The following SARNP variants were observed in gnomAD, a reference collection of about 807,000 sequenced individuals.
SARNP encodes SAP domain containing ribonucleoprotein.
In SARNP, 5 loss-of-function variants were observed where a neutral mutation model predicts 38.1. The observed-to-expected ratio is 0.13, with a 90% CI of 0.07 to 0.28. The LOEUF is 0.28. Among genes scored for constraint, SARNP ranks in the 10% least tolerant of loss-of-function variants. SARNP has a pLI of 1.00. For missense variants in SARNP, 180 were observed against 243.9 expected, an observed-to-expected ratio of 0.74 and a Z score of 1.75; for synonymous variants, 84 against 80.6, an observed-to-expected ratio of 1.04 and a Z score of -0.23.
chr12:55,775,317 T>C (rs907571998), intron 9 of SARNP, among the ~76,000 whole-genome samples: 2 of 147,894 alleles, frequency 1.4e-5, no homozygotes, highest in Non-Finnish European at 3.0e-5. Context: ...CCCAGCACTT[T>C]AGGAGGCTGA....
chr12:55,801,006 A>G, intron 2 of SARNP, 106 bp from the exon 3 acceptor site: 2 of 889,944 alleles, frequency 2.2e-6, no homozygotes, highest in Admixed American at 1.8e-5. Flanking sequence ...AAAATCCAAC[A>G]GTGAAGGCAG....
At chr12:55,774,916 T>TCG (rs1459255821) in intron 9 of SARNP, among the ~76,000 whole-genome samples, 1 of 139,554 alleles carries the variant, frequency 7.2e-6, no homozygotes, top group African/African-American at 2.7e-5. Flanking sequence ...AGATGGAGTC[T>TCG]CGCTCTGTCG....
intron 1 of SARNP, among the ~76,000 whole-genome samples, chr12:55,814,739 C>T (rs1880430340): frequency 6.6e-6 from 1 of 152,034 alleles, no homozygotes; most frequent in Non-Finnish European, 1.5e-5. Flanking sequence ...CATGGTGGCA[C>T]GTGCCTGTAA....
downstream of SARNP, chr12:55,756,672 A>C (rs1369925789): frequency 6.6e-6 from 1 of 152,242 alleles, no homozygotes; most frequent in East Asian, 1.9e-4. Flanking sequence ...ATCTACATGA[A>C]CTTGAAGCCT....
chr12:55,816,824 G>A (rs1022069244), intron 1 of SARNP, among the ~76,000 whole-genome samples: 4 of 151,966 alleles, frequency 2.6e-5, no homozygotes, highest in Admixed American at 2.0e-4. Context: ...ACTACCAAGA[G>A]TCTCATAAGA....
intron 9 of SARNP, among the ~76,000 whole-genome samples, chr12:55,780,886 T>C (rs924119574): frequency 1.3e-5 from 2 of 152,152 alleles, no homozygotes; most frequent in African/African-American, 4.8e-5. Flanking sequence ...TTATAAACTG[T>C]TTGTTTCTGG....
chr12:55,794,709 T>C, intron 6 of SARNP, 98 bp downstream of exon 6: 1 of 762,402 alleles, frequency 1.3e-6, no homozygotes, highest in Non-Finnish European at 2.2e-6. Context: ...CAAGCCTCTA[T>C]TCTACTTAAA....
chr12:55,805,043 C>CA (rs2136203716), intron 1 of SARNP, among the ~76,000 whole-genome samples: 1 of 151,976 alleles, frequency 6.6e-6, no homozygotes, highest in African/African-American at 2.4e-5. Context: ...GCGAGTGGAT[C>CA]ACAAGGTTAG....
intron 5 of SARNP, among the ~76,000 whole-genome samples, chr12:55,795,682 A>C (rs1305508282): frequency 6.6e-6 from 1 of 152,212 alleles, no homozygotes; most frequent in Non-Finnish European, 1.5e-5. Context: ...GAGAAATTTC[A>C]ATCTCAGCTA....
intron 9 of SARNP, among the ~76,000 whole-genome samples, chr12:55,781,403 G>A (rs543006846): frequency 2.7e-4 from 41 of 151,882 alleles, no homozygotes; most frequent in African/African-American, 8.9e-4. Context: ...GCGTTGTGGC[G>A]GGTGACTGCA....
intron 10 of SARNP, among the ~76,000 whole-genome samples, chr12:55,759,847 C>T (rs1266689589): frequency 2.0e-5 from 3 of 152,130 alleles, no homozygotes; most frequent in Non-Finnish European, 2.9e-5. Flanking sequence ...AAGTGATCCT[C>T]CCATCTCAGC....
At chr12:55,775,239 A>AT (rs1592562336) in intron 9 of SARNP, among the ~76,000 whole-genome samples, 1 of 108,968 alleles carries the variant, frequency 9.2e-6, no homozygotes, top group South Asian at 2.6e-4. Flanking sequence ...AAAGGTTAAA[A>AT]TTAAAAAAAA....
At chr12:55,761,750 C>T (rs1878682109) in intron 9 of SARNP, 1 of 152,198 alleles carries the variant, frequency 6.6e-6, no homozygotes, top group Non-Finnish European at 1.5e-5. Context: ...CTCCCCCTCA[C>T]ATCTTATCAC....
At chr12:55,800,799 T>C (rs1879957502) in intron 3 of SARNP, 55 bp downstream of exon 3, 10 of 1,481,132 alleles carry the variant, frequency 6.8e-6, no homozygotes, top group South Asian at 5.7e-5. Context: ...GTTAAAGCAA[T>C]GTGGCCAAAG....
chr12:55,766,616 C>CGGGG (rs58583137), intron 9 of SARNP, among the ~76,000 whole-genome samples: 27 of 38,106 alleles, frequency 7.1e-4, no homozygotes, highest in African/African-American at 8.8e-4. Context: ...GTTTTTTTGG[C>CGGGG]GGGGGGGGGG....
rs915229893 is a variant in SARNP at position 55,774,109 on chromosome 12, A to G, written c.502-13469T>C. On this transcript the variant is annotated intron_variant, in intron 9 of 10. Transcript: ENST00000336133. ...AGCCTGGACCTCCTTGGCTCAAGCAATCCTCCCACCTCAGCCTCCCAAGTA... is the reference window on the plus strand; with the variant it reads ...AGCCTGGACCTCCTTGGCTCAAGCAGTCCTCCCACCTCAGCCTCCCAAGTA... Among the ~76,000 whole-genome samples, 13 of 152,150 alleles carry G rather than the reference A, an allele frequency of 8.5e-5. No individual in the cohort carries two copies. The South Asian group carries it at 1.0e-3, about 12-fold the overall frequency.
chr12:55,762,847 TG>T (rs1878716881), intron 9 of SARNP, among the ~76,000 whole-genome samples: 1 of 152,206 alleles, frequency 6.6e-6, no homozygotes, highest in South Asian at 2.1e-4. Context: ...TCCAGCTTTC[TG>T]TGCTCAATTT....
chr12:55,803,780 G>T, intron 1 of SARNP, 52 bp from the exon 2 acceptor site: 1 of 1,176,714 alleles, frequency 8.5e-7, no homozygotes, highest in Non-Finnish European at 1.3e-6. Flanking sequence ...GAACACCAGT[G>T]AATAAAATGG....
chr12:55,817,299 G>A (rs921885717), intron 1 of SARNP, among the ~76,000 whole-genome samples: 1 of 152,180 alleles, frequency 6.6e-6, no homozygotes, highest in Non-Finnish European at 1.5e-5. Flanking sequence ...TCATCCCAGG[G>A]AAGAAAAACG....
Sources: allele counts gnomAD v4.1 joint callset (sites outside exome capture counted in the v4.1 genomes callset), GRCh38; gene constraint gnomAD v4.1.1; transcripts MANE v1.5; gene names NCBI Gene and HGNC (gene_info 2026-07-23, HGNC 2026-07-21).